Variants in ESCO1 observed in about 807,000 individuals in gnomAD.
ESCO1 encodes the protein establishment of sister chromatid cohesion N-acetyltransferase 1.
Under a neutral mutation model 83.5 loss-of-function variants are expected in ESCO1, and 33 were observed. The observed-to-expected ratio is 0.40, with a 90% CI of 0.30 to 0.53. The LOEUF (loss-of-function observed/expected upper bound fraction) is 0.53. ESCO1 is among the 20% of genes least tolerant of loss of function. ESCO1 has a pLI of 0.63. For missense variants in ESCO1, 855 were observed against 968.0 expected, an observed-to-expected ratio of 0.88 and a Z score of 1.55; for synonymous variants, 332 against 324.3, an observed-to-expected ratio of 1.02 and a Z score of -0.25.
intron 8 of ESCO1, among the ~76,000 whole-genome samples, chr18:21,555,671 AC>A (rs2038103375): frequency 6.6e-6 from 1 of 152,016 alleles, no homozygotes; most frequent in Admixed American, 6.6e-5. Context: ...GTGTGGTGGC[AC>A]TCGCCTGTAG....
At chr18:21,583,791 G>A (rs1323405800) in intron 2 of ESCO1, among the ~76,000 whole-genome samples, 14 of 152,158 alleles carry the variant, frequency 9.2e-5, no homozygotes, top group African/African-American at 1.4e-4. Flanking sequence ...GACTGTAGTG[G>A]TGATTCCATG....
At position 21,539,047 on chromosome 18, in the gene ESCO1, T is replaced by C. The variant is rs113809084; in HGVS notation, c.2043+873A>G. On this transcript the variant is annotated intron_variant, in intron 9 of 11. Transcript: ENST00000269214. The stretch of plus-strand genomic sequence containing the variant: ...ACACTTGAAGTATGGAACTCTAAGT[T>C]AGACTAACACCTGCCTCACACTAGA... Among the ~76,000 whole-genome samples, 23 of 152,122 alleles carry C rather than the reference T, an allele frequency of 1.5e-4. 1 individual carries two copies. Among genetic ancestry groups the C allele is most frequent in the African/African-American group, 4.8e-4 (20 of 41,526 alleles).
chr18:21,551,112 C>CAA lies in ESCO1; in HGVS notation c.1953+9745_1953+9746dup, dbSNP rs57346736. On this transcript the variant is annotated intron_variant, in intron 8 of 11. Transcript: ENST00000269214. ...GGGCTGCAAGAGCAAAACTCTGTCT[C>CAA]AAAAAAAAAAAAAAAAAGAAAACAA... 4.0e-3 allele frequency among the ~76,000 whole-genome samples: 301 copies of CAA among 75,252 alleles called. 2 individuals are homozygous for CAA. Among genetic ancestry groups the CAA allele is most frequent in the African/African-American group, 0.014 (251 of 18,278 alleles). The allele number at this position is 75,252 out of a possible 152,430, so 49.4% of individuals were successfully genotyped here.
At chr18:21,554,893 G>C (rs1042016295) in intron 8 of ESCO1, among the ~76,000 whole-genome samples, 1 of 152,088 alleles carries the variant, frequency 6.6e-6, no homozygotes, top group Admixed American at 6.6e-5. Flanking sequence ...GGGGGACAGA[G>C]TGAGGCTCCG....
rs1312659643 is a variant in ESCO1, at chr18:21,553,397, A to G, written c.1953+7462T>C. 1.9e-4 allele frequency among the ~76,000 whole-genome samples: 11 copies of G among 57,984 alleles called. No individual in the cohort carries two copies. The Admixed American group carries it at 2.3e-3, about 12-fold the overall frequency. 38.0% of individuals were successfully genotyped at this position (57,984 alleles called of 152,430 possible). ...CAAGGCAGGTGGATCACTTGCACCC[A>G]GAGTTCGAAATAAGCTAAGATGACA... On this transcript the variant is annotated intron_variant, in intron 8 of 11. Coordinates refer to ENST00000269214, the MANE Select transcript of ESCO1 (RefSeq NM_052911.3).
At position 21,530,315 on chromosome 18, in the gene ESCO1, C is replaced by A; in HGVS notation, c.*28G>T. On this transcript the variant is annotated 3_prime_UTR_variant, in exon 12 of 12. Coordinates refer to ENST00000269214, the MANE Select transcript of ESCO1 (RefSeq NM_052911.3). The stretch of plus-strand genomic sequence containing the variant: ...CCAATCCATTCTCTTCAATAGATGT[C>A]TTCTAGTGGTGTAGGCAAGAATTTG... 1 of 1,543,422 alleles carries A rather than the reference C, an allele frequency of 6.5e-7. No individual in the cohort carries two copies. The highest frequency in any genetic ancestry group is 2.0e-5 in the Admixed American group (1 of 49,452).
At chr18:21,586,466 G>C (rs774827801) in intron 1 of ESCO1, among the ~76,000 whole-genome samples, 3 of 152,164 alleles carry the variant, frequency 2.0e-5, no homozygotes, top group Non-Finnish European at 4.4e-5. Context: ...TGTGAACAGT[G>C]CCACAATGAA....
At position 21,530,378 on chromosome 18, in the gene ESCO1, C is replaced by T. The variant is rs1459133484; in HGVS notation, c.2488G>A (p.Val830Ile). ...TTCTGTCCATTAATAAAATTATATA[C>T]CAGAAATTGACCAGTGCCACAGTAC... ...TQYCGTGQFL[V>I]YNFINGQNST Residue 830 changes from valine to isoleucine, a missense_variant, in exon 12 of 12, where the codon GTA becomes ATA. Val to Ile is a conservative substitution (Grantham distance 29). Around this residue, in one of 2 missense-constraint regions of ESCO1, gnomAD observed 129 missense variants for 268.5 expected, o/e 0.48. Transcript: ENST00000269214. 6.2e-7 allele frequency: 1 copy of T among 1,604,362 alleles called. No individual in the cohort carries two copies. The highest frequency in any genetic ancestry group is 1.3e-5 in the African/African-American group (1 of 74,422).
intron 1 of ESCO1, among the ~76,000 whole-genome samples, chr18:21,598,382 G>A (rs1279150903): frequency 6.6e-6 from 1 of 152,154 alleles, no homozygotes; most frequent in Non-Finnish European, 1.5e-5. Context: ...TTAAATGCCA[G>A]CACCTTGTAT....
At chr18:21,595,943 G>A (rs1378780410) in intron 1 of ESCO1, among the ~76,000 whole-genome samples, 4 of 149,422 alleles carry the variant, frequency 2.7e-5, no homozygotes, top group East Asian at 2.0e-4. Flanking sequence ...CACCCTGGGC[G>A]ACAGAGCGAG....
chr18:21,586,465 T>C (rs1421283184), intron 1 of ESCO1, among the ~76,000 whole-genome samples: 1 of 152,226 alleles, frequency 6.6e-6, no homozygotes, highest in African/African-American at 2.4e-5. Context: ...TTGTGAACAG[T>C]GCCACAATGA....
intron 7 of ESCO1, 110 bp from the exon 8 acceptor site, chr18:21,561,100 T>C: frequency 9.8e-7 from 1 of 1,018,816 alleles, no homozygotes; most frequent in Admixed American, 3.3e-5. Context: ...TTAATCTACA[T>C]GAATAACATT....
At chr18:21,583,643 C>CAA (rs61576801) in intron 2 of ESCO1, among the ~76,000 whole-genome samples, 7 of 120,942 alleles carry the variant, frequency 5.8e-5, no homozygotes, top group African/African-American at 2.1e-4. Flanking sequence ...GAGACTGTCT[C>CAA]AAAAAAAAAA....
chr18:21,555,367 C>A (rs1041294934), intron 8 of ESCO1, among the ~76,000 whole-genome samples: 1 of 152,120 alleles, frequency 6.6e-6, no homozygotes, highest in African/African-American at 2.4e-5. Context: ...TCAAAACCCA[C>A]AGAATATACA....
chr18:21,589,657 A>T (rs552488009), intron 1 of ESCO1, among the ~76,000 whole-genome samples: 92 of 152,310 alleles, frequency 6.0e-4, no homozygotes, highest in Non-Finnish European at 9.6e-4. Context: ...CCATCTAAAC[A>T]GCTGGGAAAG....
chr18:21,580,094 T>C (rs986109084), intron 2 of ESCO1, among the ~76,000 whole-genome samples: 18 of 151,800 alleles, frequency 1.2e-4, no homozygotes, highest in South Asian at 2.1e-4. Context: ...AGACGGGTTT[T>C]CGGTGTATTG....
At chr18:21,563,961 CTT>C (rs2038224042) in intron 7 of ESCO1, among the ~76,000 whole-genome samples, 2 of 151,534 alleles carry the variant, frequency 1.3e-5, no homozygotes, top group African/African-American at 2.4e-5. Flanking sequence ...GTTTCTCTCT[CTT>C]GCTTCCTCCC....
intron 9 of ESCO1, among the ~76,000 whole-genome samples, chr18:21,537,665 A>G (rs1328567070): frequency 1.3e-5 from 2 of 152,206 alleles, no homozygotes; most frequent in Admixed American, 1.3e-4. Context: ...AATTCCCTAG[A>G]TTTTAATTTT....
At chr18:21,565,197 CCA>C (rs1483370010) in intron 6 of ESCO1, among the ~76,000 whole-genome samples, 1 of 152,250 alleles carries the variant, frequency 6.6e-6, no homozygotes, top group Admixed American at 6.5e-5. Flanking sequence ...GCAACACTTA[CCA>C]CAGTTTGAAT....
Sources: gnomAD v4.1 joint callset for allele counts (sites outside exome capture counted in the v4.1 genomes callset) on GRCh38, gnomAD v4.1.1 for gene constraint, gnomAD v4.1.1 regional missense constraint, MANE v1.5 for transcripts, NCBI Gene and HGNC (gene_info 2026-07-23, HGNC 2026-07-21) for gene names.